Variants in DGKB observed in about 807,000 individuals in gnomAD.
DGKB encodes 90 kDa diacylglycerol kinase.
Under a neutral mutation model 114.3 loss-of-function variants are expected in DGKB, and 67 were observed. The ratio of observed to expected loss-of-function variants is 0.59; its 90% confidence interval spans 0.48 to 0.72. The LOEUF is 0.72. DGKB is among the 30% of genes least tolerant of loss of function. DGKB has a pLI of 0.00. For synonymous variants in DGKB, 398 were observed against 323.1 expected, an observed-to-expected ratio of 1.23 and a Z score of -2.49; for missense variants, 907 against 975.2, an observed-to-expected ratio of 0.93 and a Z score of 0.93.
intron 2 of DGKB, 95 bp from the exon 3 acceptor site, chr7:14,757,826 G>T (rs1835112981): frequency 1.7e-6 from 1 of 580,146 alleles, no homozygotes; most frequent in East Asian, 3.0e-5. Context: ...ATGTAAATAA[G>T]CATCAGCAGA....
chr7:14,431,836 C>T lies in DGKB; in HGVS notation c.1835+46325G>A, dbSNP rs563786907. ...AAAAATATATTAAAGAAAAATAGCC[C>T]CTCATATGCAATAATGGGAAAGCCA... On this transcript the variant is annotated intron_variant, in intron 21 of 25. Transcript: ENST00000402815. Among the ~76,000 whole-genome samples the T allele has an allele frequency of 1.1e-4, 16 of 151,784 alleles. No individual in the cohort carries two copies. The South Asian group carries it at 3.3e-3, about 32-fold the overall frequency.
At chr7:14,686,176 T>G (rs1224355695) in intron 9 of DGKB, among the ~76,000 whole-genome samples, 1 of 152,148 alleles carries the variant, frequency 6.6e-6, no homozygotes, top group Admixed American at 6.5e-5. Context: ...AGCAAAACAC[T>G]TTATTTTTTT....
chr7:14,721,165 G>C (rs1829104496), intron 5 of DGKB, among the ~76,000 whole-genome samples: 1 of 152,184 alleles, frequency 6.6e-6, no homozygotes, highest in Non-Finnish European at 1.5e-5. Flanking sequence ...AATATGCTCT[G>C]ACATTTATTT....
chr7:14,934,425 G>T (rs557312792), intron 1 of DGKB, among the ~76,000 whole-genome samples: 35 of 152,242 alleles, frequency 2.3e-4, no homozygotes, highest in African/African-American at 7.5e-4. Flanking sequence ...TATCAATTCT[G>T]TGAGTGCTGG....
intron 23 of DGKB, among the ~76,000 whole-genome samples, chr7:14,236,218 A>G (rs765397765): frequency 1.3e-5 from 2 of 151,998 alleles, no homozygotes. Flanking sequence ...AATTATAATT[A>G]TTACAAATTA....
chr7:14,570,184 TAGAG>T (rs1483405777), intron 20 of DGKB, among the ~76,000 whole-genome samples: 10 of 151,854 alleles, frequency 6.6e-5, no homozygotes, highest in African/African-American at 2.4e-4. Flanking sequence ...TAATTCTCTA[TAGAG>T]TATTTTTGCA....
chr7:14,171,520 T>C (rs912700206), intron 25 of DGKB, among the ~76,000 whole-genome samples: 10 of 152,346 alleles, frequency 6.6e-5, no homozygotes, highest in Admixed American at 1.3e-4. Context: ...AAAAGCAATG[T>C]ATAATTGATA....
intron 2 of DGKB, among the ~76,000 whole-genome samples, chr7:14,796,962 TTTAA>T (rs1841498299): frequency 6.6e-6 from 1 of 152,210 alleles, no homozygotes; most frequent in Non-Finnish European, 1.5e-5. Context: ...CTCACTTTTC[TTTAA>T]TTAATAATGC....
At chr7:14,730,351 GCCAGGGTTTCTTCCCAGTTGCACACT>G (rs1352893174) in intron 5 of DGKB, among the ~76,000 whole-genome samples, 2 of 152,164 alleles carry the variant, frequency 1.3e-5, no homozygotes, top group African/African-American at 4.8e-5. Flanking sequence ...GTACCAGAGT[GCCAGGGTTTCTTCCCAGTTGCACACT>G]CCAGGTGTGC....
At chr7:14,893,464 T>C (rs958078507) in intron 1 of DGKB, among the ~76,000 whole-genome samples, 5 of 151,390 alleles carry the variant, frequency 3.3e-5, no homozygotes, top group African/African-American at 1.2e-4. Context: ...TTAAAAGTAT[T>C]AGGATATGTC....
At position 14,311,059 on chromosome 7, in the gene DGKB, T is replaced by C. The variant is rs540660859; in HGVS notation, c.2122+27456A>G. The stretch of plus-strand genomic sequence containing the variant: ...GGGAGGATCACTTAAGCCCAGGAGG[T>C]TGAGGCTACAATGAGCCAAGGTCAC... On this transcript the variant is annotated intron_variant, in intron 23 of 25. Coordinates refer to ENST00000402815, the MANE Select transcript of DGKB (RefSeq NM_001350709.2). Among the ~76,000 whole-genome samples the C allele has an allele frequency of 1.4e-4, 21 of 151,960 alleles. No homozygotes were observed. In the East Asian group the frequency reaches 4.1e-3, roughly 29 times the overall value.
At chr7:14,965,017 A>ACCTC in intron 1 of DGKB, among the ~76,000 whole-genome samples, 1 of 152,148 alleles carries the variant, frequency 6.6e-6, no homozygotes, top group Non-Finnish European at 1.5e-5. Context: ...GGTAGAGGGA[A>ACCTC]TGGATTCACA....
In DGKB at chr7:14,148,346, C is replaced by A. The variant is rs577443241; in HGVS notation, c.*785G>T. The A allele has an allele frequency of 6.5e-6, 1 of 152,678 alleles. No homozygotes were observed. The highest frequency in any genetic ancestry group is 1.9e-4 in the East Asian group (1 of 5,176). 9.5% of individuals were successfully genotyped at this position (152,678 alleles called of 1,614,324 possible). A position where few individuals can be genotyped will look rare whatever the true frequency, so the allele number is the denominator to read the frequency against. ...TGGTGGGAAACACATTGATTAGGCA[C>A]ATAGTTTAAAACTTCTATTTCGTTA... On this transcript the variant is annotated 3_prime_UTR_variant, in exon 26 of 26. Coordinates refer to ENST00000402815, the MANE Select transcript of DGKB (RefSeq NM_001350709.2).
chr7:14,765,341 C>G (rs969070527), intron 2 of DGKB, among the ~76,000 whole-genome samples: 2 of 151,952 alleles, frequency 1.3e-5, no homozygotes, highest in Non-Finnish European at 2.9e-5. Flanking sequence ...GGCATAATAT[C>G]TTTGAGCAAC....
chr7:14,783,568 G>T (rs1303399317), intron 2 of DGKB, among the ~76,000 whole-genome samples: 1 of 152,076 alleles, frequency 6.6e-6, no homozygotes, highest in Non-Finnish European at 1.5e-5. Context: ...TTAATGGAGT[G>T]GTTATGTATG....
At chr7:14,953,049 A>C (rs2128261369) in intron 1 of DGKB, among the ~76,000 whole-genome samples, 1 of 152,184 alleles carries the variant, frequency 6.6e-6, no homozygotes, top group South Asian at 2.1e-4. Context: ...CACCCAACAT[A>C]AAAATTTTCT....
At chr7:14,255,614 G>T (rs902820415) in intron 23 of DGKB, among the ~76,000 whole-genome samples, 5 of 152,034 alleles carry the variant, frequency 3.3e-5, no homozygotes, top group Non-Finnish European at 5.9e-5. Context: ...AGACTTTCAC[G>T]TGTAAAAAAT....
At chr7:14,828,689 C>G (rs1846025033) in intron 2 of DGKB, among the ~76,000 whole-genome samples, 1 of 152,132 alleles carries the variant, frequency 6.6e-6, no homozygotes, top group Non-Finnish European at 1.5e-5. Context: ...GAGCTCCTAT[C>G]TTGCAATACT....
intron 13 of DGKB, among the ~76,000 whole-genome samples, chr7:14,641,389 A>G (rs16878249): frequency 0.021 from 3,223 of 152,066 alleles, 49 homozygotes; most frequent in South Asian, 0.038. Context: ...TGTTACTGTT[A>G]TTATGATCCT....
Sources: allele counts gnomAD v4.1 joint callset (sites outside exome capture counted in the v4.1 genomes callset), GRCh38; gene constraint gnomAD v4.1.1; transcripts MANE v1.5; gene names NCBI Gene and HGNC (gene_info 2026-07-23, HGNC 2026-07-21).